TESK2: variants seen among roughly 807,000 people sequenced by gnomAD.
The protein encoded by TESK2 is testis associated actin remodelling kinase 2, also known as dual specificity testis-specific protein kinase 2.
TESK2 carries 39 observed loss-of-function variants against 57.1 expected under a neutral mutation model. That is an observed-to-expected ratio of 0.68 (90% CI 0.53 to 0.89). The LOEUF is 0.89. TESK2 is among the 40% of genes least tolerant of loss of function. The pLI is 0.00. For missense variants in TESK2, 646 were observed against 732.1 expected (o/e 0.88, Z 1.36); for synonymous variants, 249 against 267.9 (o/e 0.93, Z 0.69).
chr1:45,424,051 T>G (rs747587830), intron 2 of TESK2, among the ~76,000 whole-genome samples: 3 of 152,232 alleles, frequency 2.0e-5, no homozygotes, highest in Non-Finnish European at 2.9e-5. Context: ...AAATTTCATT[T>G]CATATCTTGC....
intron 1 of TESK2, among the ~76,000 whole-genome samples, chr1:45,476,691 CA>C (rs1297097195): frequency 6.8e-6 from 1 of 147,832 alleles, no homozygotes; most frequent in Non-Finnish European, 1.5e-5. Context: ...ACTAAAAACA[CA>C]AAAAATTAGA....
intron 3 of TESK2, among the ~76,000 whole-genome samples, chr1:45,390,961 A>G (rs747640654): frequency 6.2e-5 from 9 of 144,504 alleles, no homozygotes; most frequent in Non-Finnish European, 1.2e-4. Flanking sequence ...CTCTGCGCCC[A>G]GGCTGGAGTG....
At chr1:45,369,479 G>A (rs1211396251) in intron 4 of TESK2, among the ~76,000 whole-genome samples, 3 of 151,800 alleles carry the variant, frequency 2.0e-5, no homozygotes, top group African/African-American at 7.3e-5. Flanking sequence ...GGCAACAAAA[G>A]TGAAACTCCA....
intron 2 of TESK2, among the ~76,000 whole-genome samples, chr1:45,436,458 C>A (rs1467742734): frequency 2.4e-5 from 3 of 124,520 alleles, no homozygotes; most frequent in Non-Finnish European, 3.3e-5. Context: ...GTGCTGGGAT[C>A]ATGAGCCACC....
intron 1 of TESK2, among the ~76,000 whole-genome samples, chr1:45,467,699 T>C (rs933391269): frequency 2.0e-5 from 3 of 152,048 alleles, no homozygotes; most frequent in Admixed American, 6.6e-5. Flanking sequence ...AGCCAAAACA[T>C]TGATAACAAT....
chr1:45,417,881 G>A (rs1296703946), intron 3 of TESK2, among the ~76,000 whole-genome samples: 5 of 152,216 alleles, frequency 3.3e-5, no homozygotes, highest in East Asian at 1.9e-4. Context: ...GTGAGCCACC[G>A]TACCCAGCAT....
intron 4 of TESK2, among the ~76,000 whole-genome samples, chr1:45,364,797 A>T (rs1204725677): frequency 6.6e-6 from 1 of 152,214 alleles, no homozygotes; most frequent in Non-Finnish European, 1.5e-5. Flanking sequence ...ATAAGGAAAA[A>T]GAGTCAAAGA....
At chr1:45,398,117 C>T (rs1219034983) in intron 3 of TESK2, among the ~76,000 whole-genome samples, 1 of 151,978 alleles carries the variant, frequency 6.6e-6, no homozygotes, top group Non-Finnish European at 1.5e-5. Context: ...TTATGTTGTC[C>T]AGGCTACTCT....
In TESK2 at chr1:45,347,816, T is replaced by C. The variant is rs2149262905; in HGVS notation, c.623+102A>G. On this transcript the variant is annotated intron_variant, in intron 6 of 10. Coordinates refer to ENST00000372086, the MANE Select transcript of TESK2 (RefSeq NM_007170.3). ...ACTAAACAAATTTAGGGAGCTGAGG[T>C]TGAGCTGTGACCAAGTCCTGGCCTC... 2.8e-6 allele frequency: 4 copies of C among 1,434,804 alleles called. No individual in the cohort carries two copies. The South Asian group carries it at 4.6e-5, about 16-fold the overall frequency. The allele number at this position is 1,434,804 out of a possible 1,614,324, so 88.9% of individuals were successfully genotyped here.
At chr1:45,346,839 C>A in intron 8 of TESK2, 60 bp from the exon 9 acceptor site, 1 of 1,563,866 alleles carries the variant, frequency 6.4e-7, no homozygotes, top group African/African-American at 1.4e-5. Flanking sequence ...CCCATCCTAG[C>A]CTGCTCAGTA....
chr1:45,418,222 T>C (rs1049034018), intron 3 of TESK2, among the ~76,000 whole-genome samples: 2 of 152,340 alleles, frequency 1.3e-5, no homozygotes, highest in East Asian at 3.9e-4. Context: ...AAAATTAAAA[T>C]ATTACTTCTT....
At chr1:45,424,321 G>A (rs1001294805) in intron 2 of TESK2, among the ~76,000 whole-genome samples, 1 of 152,174 alleles carries the variant, frequency 6.6e-6, no homozygotes, top group Non-Finnish European at 1.5e-5. Context: ...GAAGGCTGTT[G>A]AGGGGGAGGC....
intron 6 of TESK2, 61 bp from the exon 7 acceptor site, chr1:45,347,754 G>T: frequency 6.4e-7 from 1 of 1,568,420 alleles, no homozygotes; most frequent in South Asian, 1.1e-5. Flanking sequence ...GGAATCTTTT[G>T]ACCATTCCTC....
chr1:45,377,235 A>G (rs1000965993), intron 4 of TESK2, among the ~76,000 whole-genome samples: 2 of 152,106 alleles, frequency 1.3e-5, no homozygotes, highest in African/African-American at 4.8e-5. Flanking sequence ...AAGAAAAAAA[A>G]AAAGTATTTG....
At chr1:45,408,703 C>G (rs1371065166) in intron 3 of TESK2, among the ~76,000 whole-genome samples, 1 of 152,116 alleles carries the variant, frequency 6.6e-6, no homozygotes, top group Non-Finnish European at 1.5e-5. Flanking sequence ...AATTTCCTGG[C>G]AAGTGGCAGG....
chr1:45,470,575 T>G (rs1007469670), intron 1 of TESK2, among the ~76,000 whole-genome samples: 3 of 152,254 alleles, frequency 2.0e-5, no homozygotes, highest in African/African-American at 7.2e-5. Context: ...GTATTAGCTC[T>G]TCTAAATAAG....
intron 2 of TESK2, among the ~76,000 whole-genome samples, chr1:45,433,388 C>T: frequency 6.6e-6 from 1 of 151,932 alleles, no homozygotes; most frequent in Middle Eastern, 3.2e-3. Context: ...CTATAACTTA[C>T]ACTTTCTATC....
rs1486990337 is a variant in TESK2 at position 45,448,537 on chromosome 1, G to A, written c.222+9027C>T. Among the ~76,000 whole-genome samples, 4 of 152,102 alleles carry A rather than the reference G, an allele frequency of 2.6e-5. No homozygotes were observed. In the East Asian group the frequency reaches 7.7e-4, roughly 29 times the overall value. The stretch of plus-strand genomic sequence containing the variant: ...CAACCATGGAGGAAGGTGACGGGGT[G>A]GGGGCAGCATGTCACATGGGGAGAG... On this transcript the variant is annotated intron_variant, in intron 2 of 10. Coordinates refer to ENST00000372086, the MANE Select transcript of TESK2 (RefSeq NM_007170.3).
intron 3 of TESK2, among the ~76,000 whole-genome samples, chr1:45,397,162 G>A (rs1029710291): frequency 6.6e-6 from 1 of 152,122 alleles, no homozygotes; most frequent in Non-Finnish European, 1.5e-5. Context: ...TGCAGGCATT[G>A]TTCTAAGCAC....
Sources: gnomAD v4.1 joint callset for allele counts (sites outside exome capture counted in the v4.1 genomes callset) on GRCh38, gnomAD v4.1.1 for gene constraint, MANE v1.5 for transcripts, NCBI Gene and HGNC (gene_info 2026-07-23, HGNC 2026-07-21) for gene names.